Variants in TNIP3 observed in about 807,000 individuals in gnomAD.
The protein encoded by TNIP3 is TNFAIP3-interacting protein 3.
In TNIP3, 34 loss-of-function variants were observed where a neutral mutation model predicts 54.1. That is an observed-to-expected ratio of 0.63 (90% CI 0.48 to 0.84). The LOEUF is 0.84. TNIP3 is among the 40% of genes least tolerant of loss of function. The pLI, the probability that TNIP3 is intolerant of heterozygous loss-of-function variation, is 0.00. For missense variants in TNIP3, 366 were observed against 387.6 expected, an observed-to-expected ratio of 0.94 and a Z score of 0.47; for synonymous variants, 134 against 136.8, an observed-to-expected ratio of 0.98 and a Z score of 0.14.
chr4:121,189,649 G>T (rs973051958), intron 2 of TNIP3, among the ~76,000 whole-genome samples: 17 of 152,064 alleles, frequency 1.1e-4, no homozygotes, highest in Non-Finnish European at 2.2e-4. Flanking sequence ...GAAGAGAGAG[G>T]GTTTGCTGAG....
chr4:121,174,616 G>A lies in TNIP3; in HGVS notation c.189+8060C>T, dbSNP rs116347195. Reference sequence around the variant, plus strand: ...AAAAATTGCAAACATTTGCTAAGTCGGTTTTAATGACAAACGTTTATTTTA... The same window carrying A: ...AAAAATTGCAAACATTTGCTAAGTCAGTTTTAATGACAAACGTTTATTTTA... On this transcript the variant is annotated intron_variant, in intron 3 of 12. Coordinates refer to the TNIP3 transcript ENST00000507879. 4.7e-3 allele frequency among the ~76,000 whole-genome samples: 708 copies of A among 151,736 alleles called. 7 individuals are homozygous for A. Among genetic ancestry groups the A allele is most frequent in the African/African-American group, 0.016 (677 of 41,376 alleles).
intron 1 of TNIP3, among the ~76,000 whole-genome samples, chr4:121,224,358 G>A (rs1205076051): frequency 1.7e-5 from 2 of 114,582 alleles, no homozygotes; most frequent in African/African-American, 7.0e-5. Flanking sequence ...GCAAGACTCT[G>A]TCTCAAAAAA....
chr4:121,223,121 A>G (rs922770487), intron 1 of TNIP3, among the ~76,000 whole-genome samples: 24 of 152,122 alleles, frequency 1.6e-4, no homozygotes, highest in African/African-American at 5.1e-4. Context: ...GTTTGTTTTT[A>G]TGAGAATATG....
Sources: gnomAD v4.1 joint callset for allele counts (sites outside exome capture counted in the v4.1 genomes callset) on GRCh38, gnomAD v4.1.1 for gene constraint, MANE v1.5 for transcripts, NCBI Gene and HGNC (gene_info 2026-07-23, HGNC 2026-07-21) for gene names.